RELL1: variants seen among roughly 807,000 people sequenced by gnomAD.
The protein encoded by RELL1 is RELT like 1, also known as RELT-like protein 1.
In RELL1, 10 loss-of-function variants were observed where a neutral mutation model predicts 23.0. That is an observed-to-expected ratio of 0.43 (90% confidence interval 0.27 to 0.74). The LOEUF (loss-of-function observed/expected upper bound fraction) is 0.74, where lower values mean the gene tolerates loss of function less well. Among genes scored for constraint, RELL1 ranks in the 30% least tolerant of loss-of-function variants. The probability of loss-of-function intolerance (pLI) is 0.19; values close to 1 mark genes in which losing one functional copy is unlikely to be tolerated. For synonymous variants in RELL1, 146 were observed against 146.8 expected (o/e 0.99, Z 0.04); for missense variants, 315 against 364.4 (o/e 0.86, Z 1.10).
chr4:37,604,868 C>CAG (rs764300391), intron 6 of RELL1, among the ~76,000 whole-genome samples: 6 of 87,518 alleles, frequency 6.9e-5, no homozygotes, highest in South Asian at 7.1e-4. Flanking sequence ...CACACACAGA[C>CAG]ACACACACAC....
chr4:37,622,726 T>C, intron 6 of RELL1: 1 of 440,902 alleles, frequency 2.3e-6, no homozygotes, highest in South Asian at 1.6e-5. Flanking sequence ...ATGGTCTTCA[T>C]TGTCTGTCTG....
downstream of RELL1, among the ~76,000 whole-genome samples, chr4:37,605,837 AAG>A (rs1719191378): frequency 1.6e-5 from 2 of 123,452 alleles, no homozygotes; most frequent in Admixed American, 7.6e-5. Flanking sequence ...GAAAGAAAGA[AAG>A]AAAGAAGGAA....
chr4:37,622,818 T>G (rs1360627903), intron 6 of RELL1: 1 of 450,240 alleles, frequency 2.2e-6, no homozygotes, highest in Admixed American at 2.4e-5. Context: ...TTTTTTTTTT[T>G]TCTGAGACAG....
chr4:37,651,130 A>T (rs1720922387), intron 1 of RELL1, among the ~76,000 whole-genome samples: 1 of 152,300 alleles, frequency 6.6e-6, no homozygotes, highest in East Asian at 1.9e-4. Context: ...TTCCTGTCAC[A>T]CAGTAAGCAC....
At chr4:37,671,039 C>G (rs1412892381) in intron 1 of RELL1, among the ~76,000 whole-genome samples, 2 of 152,192 alleles carry the variant, frequency 1.3e-5, no homozygotes, top group Non-Finnish European at 2.9e-5. Flanking sequence ...TTCTCCAACA[C>G]CAACCGGGTG....
chr4:37,591,438 C>T (rs1480116409), intron 6 of RELL1: 1 of 154,346 alleles, frequency 6.5e-6, no homozygotes, highest in Non-Finnish European at 1.4e-5. Flanking sequence ...ACATTGTACC[C>T]AACCTGGAAA....
In RELL1 at chr4:37,649,515, A is replaced by G; in HGVS notation, c.89-15T>C. The G allele has an allele frequency of 6.2e-7, 1 of 1,604,838 alleles. No homozygotes were observed. The highest frequency in any genetic ancestry group is 8.5e-7 in the Non-Finnish European group (1 of 1,172,582). On this transcript the variant is annotated splice_polypyrimidine_tract_variant and intron_variant, in intron 1 of 6. Coordinates refer to ENST00000454158, the MANE Select transcript of RELL1 (RefSeq NM_001085400.2). The stretch of plus-strand genomic sequence containing the variant: ...GCTCCCATTGTCTACAGAAAGAAAC[A>G]TGCATGCTGCATTAGATATCTGTCC...
intron 1 of RELL1, among the ~76,000 whole-genome samples, chr4:37,668,868 G>T (rs1453716462): frequency 2.1e-5 from 3 of 145,616 alleles, no homozygotes; most frequent in African/African-American, 8.1e-5. Flanking sequence ...CTGCCCTGTC[G>T]CCTCGTCCGG....
chr4:37,633,214 G>A (rs1388514027), intron 5 of RELL1, among the ~76,000 whole-genome samples: 4 of 152,020 alleles, frequency 2.6e-5, no homozygotes, highest in African/African-American at 2.4e-5. Flanking sequence ...TTCGAGACCA[G>A]CCTGGCCAAC....
intron 6 of RELL1, among the ~76,000 whole-genome samples, chr4:37,593,327 C>T (rs80319287): frequency 1.0e-3 from 159 of 152,132 alleles, no homozygotes; most frequent in African/African-American, 3.5e-3. Context: ...ATCACTGGCC[C>T]GTGTATCAAT....
intron 6 of RELL1, among the ~76,000 whole-genome samples, chr4:37,594,142 C>G (rs1308025279): frequency 6.6e-6 from 1 of 152,122 alleles, no homozygotes; most frequent in Non-Finnish European, 1.5e-5. Context: ...GTAATTCTGG[C>G]CCCTTTCATC....
chr4:37,670,767 T>A (rs112238438), intron 1 of RELL1, among the ~76,000 whole-genome samples: 3,085 of 152,178 alleles, frequency 0.02, 103 homozygotes, highest in African/African-American at 0.07. Flanking sequence ...AGAGACAGGG[T>A]TTCACCATGT....
At chr4:37,603,636 A>C (rs1330502374) in intron 6 of RELL1, among the ~76,000 whole-genome samples, 2 of 152,182 alleles carry the variant, frequency 1.3e-5, no homozygotes, top group African/African-American at 4.8e-5. Context: ...CCTGGATGTG[A>C]AGACAGATTT....
At chr4:37,639,439 T>G (rs1341441500) in intron 3 of RELL1, among the ~76,000 whole-genome samples, 4 of 145,642 alleles carry the variant, frequency 2.7e-5, no homozygotes, top group Non-Finnish European at 4.6e-5. Context: ...ATATAAGTTA[T>G]GTAATATACG....
downstream of RELL1, among the ~76,000 whole-genome samples, chr4:37,587,015 A>G (rs1174658014): frequency 6.6e-6 from 1 of 152,084 alleles, no homozygotes; most frequent in Non-Finnish European, 1.5e-5. Context: ...AGGGGTGGGT[A>G]TCAGGGATCA....
intron 1 of RELL1, among the ~76,000 whole-genome samples, chr4:37,668,180 G>C (rs2109304625): frequency 6.6e-6 from 1 of 151,918 alleles, no homozygotes; most frequent in East Asian, 1.9e-4. Flanking sequence ...AAAGGGAGGA[G>C]GTATGCACAG....
At chr4:37,657,906 C>T (rs1330665727) in intron 1 of RELL1, among the ~76,000 whole-genome samples, 3 of 152,014 alleles carry the variant, frequency 2.0e-5, no homozygotes, top group African/African-American at 7.3e-5. Flanking sequence ...CTGGGGGACA[C>T]AGCGAGACCC....
chr4:37,595,966 C>T (rs1449827561), intron 6 of RELL1, among the ~76,000 whole-genome samples: 2 of 152,168 alleles, frequency 1.3e-5, no homozygotes, highest in African/African-American at 4.8e-5. Context: ...ATCCAGATCT[C>T]ACCGTTCTCT....
intron 6 of RELL1, among the ~76,000 whole-genome samples, chr4:37,604,798 G>GACACACACACACACAC (rs368655689): frequency 1.7e-5 from 2 of 116,354 alleles, no homozygotes; most frequent in Non-Finnish European, 3.6e-5. Flanking sequence ...CACACACACA[G>GACACACACACACACAC]ACACACACAC....
Sources: gnomAD v4.1 joint callset for allele counts (sites outside exome capture counted in the v4.1 genomes callset) on GRCh38, gnomAD v4.1.1 for gene constraint, MANE v1.5 for transcripts, NCBI Gene and HGNC (gene_info 2026-07-23, HGNC 2026-07-21) for gene names.